The following USP48 variants were observed in gnomAD, a reference collection of about 807,000 sequenced individuals.
USP48 encodes the protein ubiquitin carboxyl-terminal hydrolase 48.
In USP48, 43 loss-of-function variants were observed where a neutral mutation model predicts 150.7. The observed-to-expected ratio is 0.29, with a 90% confidence interval of 0.22 to 0.37. The LOEUF (loss-of-function observed/expected upper bound fraction) is 0.37. Among genes scored for constraint, USP48 ranks in the 10% least tolerant of loss-of-function variants. The probability of loss-of-function intolerance (pLI) is 1.00; values close to 1 mark genes in which losing one functional copy is unlikely to be tolerated. For synonymous variants in USP48, 396 were observed against 425.9 expected (o/e 0.93, Z 0.86); for missense variants, 813 against 1,249.6 (o/e 0.65, Z 5.27).
chr1:21,693,559 A>G (rs2097610510), intron 23 of USP48, among the ~76,000 whole-genome samples: 1 of 152,248 alleles, frequency 6.6e-6, no homozygotes, highest in African/African-American at 2.4e-5. Flanking sequence ...GGGCAGGTAC[A>G]TGCTCTCAGA....
intron 14 of USP48, among the ~76,000 whole-genome samples, chr1:21,718,867 A>C (rs539523855): frequency 6.4e-4 from 98 of 152,330 alleles, no homozygotes; most frequent in African/African-American, 2.1e-3. Flanking sequence ...ACTAAGTCAC[A>C]TGTTATCATT....
chr1:21,694,691 A>C (rs1423436809), intron 23 of USP48, among the ~76,000 whole-genome samples: 3 of 151,648 alleles, frequency 2.0e-5, no homozygotes, highest in Non-Finnish European at 4.4e-5. Context: ...ATCGCTAATA[A>C]TAAGCTGCCT....
At chr1:21,727,752 A>C in intron 11 of USP48, 2 of 439,486 alleles carry the variant, frequency 4.6e-6, no homozygotes, top group Non-Finnish European at 6.0e-6. Context: ...TTTAGTTAAA[A>C]TATATTCTTA....
At chr1:21,713,022 C>G (rs1411909888) in intron 15 of USP48, among the ~76,000 whole-genome samples, 1 of 152,078 alleles carries the variant, frequency 6.6e-6, no homozygotes, top group Admixed American at 6.6e-5. Flanking sequence ...CCCTTGTATA[C>G]AATTTCTTCC....
At chr1:21,714,327 G>A (rs2097698511) in intron 15 of USP48, among the ~76,000 whole-genome samples, 1 of 152,206 alleles carries the variant, frequency 6.6e-6, no homozygotes, top group Non-Finnish European at 1.5e-5. Flanking sequence ...CCAGGCTGGA[G>A]TGCAGCGTCG....
chr1:21,714,172 C>A lies in USP48; in HGVS notation c.1963+1217G>T, dbSNP rs189862871. ...GGAATTCATTAGGATCAACAGGAGT[C>A]CTAAATATTAGCAATAAATTACCAC... On this transcript the variant is annotated intron_variant, in intron 15 of 26. Coordinates refer to ENST00000308271, the MANE Select transcript of USP48 (RefSeq NM_032236.8). 2.6e-5 allele frequency among the ~76,000 whole-genome samples: 4 copies of A among 152,266 alleles called. No individual in the cohort carries two copies. The East Asian group carries it at 7.7e-4, about 29-fold the overall frequency.
intron 14 of USP48, among the ~76,000 whole-genome samples, chr1:21,717,519 C>G (rs1157494816): frequency 1.3e-5 from 2 of 152,070 alleles, no homozygotes; most frequent in African/African-American, 4.8e-5. Context: ...AAGGATACAA[C>G]CAGATAATTC....
Position 21,751,519 on chromosome 1 carries a change from C to T in USP48, c.762G>A (p.Ser254=), listed in dbSNP as rs773428646. 16 of 1,613,262 alleles carry T rather than the reference C, an allele frequency of 9.9e-6. No homozygotes were observed. Among genetic ancestry groups the T allele is most frequent in the Admixed American group, 3.3e-5 (2 of 59,956 alleles). The change falls in exon 6 of 27, where the codon TCG becomes TCA. Residue 254 remains serine (S), a synonymous_variant. Transcript: ENST00000308271. ...QGHKQLTDCI[S]EFLKEEKLEG... ...AAAATTTGAATACCTTCAAAAATTC[C>T]GAGATACAATCTGTTAACTGTTTGT...
rs868248354 is a variant in USP48 at position 21,747,160 on chromosome 1, G to C, written c.909-11C>G. The C allele has an allele frequency of 3.1e-6, 5 of 1,589,554 alleles. No homozygotes were observed. Among genetic ancestry groups the C allele is most frequent in the Non-Finnish European group, 4.3e-6 (5 of 1,166,208 alleles). On this transcript the variant is annotated splice_polypyrimidine_tract_variant and intron_variant, in intron 7 of 26. Transcript: ENST00000308271. ...TTATGTCCAGTTTGCCTAACCAAGA[G>C]GAAAGCTGATTATATTTACATTTAA...
intron 1 of USP48, among the ~76,000 whole-genome samples, chr1:21,760,521 C>G (rs2097847329): frequency 6.6e-6 from 1 of 151,596 alleles, no homozygotes; most frequent in Non-Finnish European, 1.5e-5. Context: ...CGAGACCAGC[C>G]TGGCCAACAT....
chr1:21,774,948 C>T (rs929854674), intron 1 of USP48, among the ~76,000 whole-genome samples: 2 of 149,858 alleles, frequency 1.3e-5, no homozygotes, highest in African/African-American at 4.9e-5. Flanking sequence ...GCCAAATTCA[C>T]GCACTGCACT....
At chr1:21,757,466 C>T (rs2097839660) in intron 2 of USP48, 197 bp downstream of exon 2, 5 of 443,942 alleles carry the variant, frequency 1.1e-5, no homozygotes, top group South Asian at 6.3e-5. Flanking sequence ...TACTGAATTA[C>T]GCAGCTGCCT....
At chr1:21,764,123 G>C (rs1453374564) in intron 1 of USP48, among the ~76,000 whole-genome samples, 4 of 152,132 alleles carry the variant, frequency 2.6e-5, no homozygotes, top group Non-Finnish European at 5.9e-5. Context: ...AACAGATCAA[G>C]GAGGTTGAGT....
chr1:21,726,070 A>G (rs2097736262), intron 11 of USP48, among the ~76,000 whole-genome samples: 2 of 152,202 alleles, frequency 1.3e-5, no homozygotes, highest in South Asian at 4.1e-4. Flanking sequence ...GCAACATTCA[A>G]GAATAAGTCA....
rs148191708 is a variant in USP48, at chr1:21,773,907, G to A, written c.134+8917C>T. On this transcript the variant is annotated intron_variant, in intron 1 of 26. Transcript: ENST00000308271. ...AATCCCAGCACTTTGGGAGGGCAAG[G>A]TGGAAGGACTGCTTGAAGCCAGGAA... 4.9e-3 allele frequency among the ~76,000 whole-genome samples: 751 copies of A among 152,262 alleles called. 7 individuals carry two copies. Among genetic ancestry groups the A allele is most frequent in the African/African-American group, 0.017 (720 of 41,554 alleles).
At chr1:21,775,053 T>G (rs900706256) in intron 1 of USP48, among the ~76,000 whole-genome samples, 3 of 151,920 alleles carry the variant, frequency 2.0e-5, no homozygotes, top group Non-Finnish European at 4.4e-5. Context: ...TCTACATGCA[T>G]GAATAGAAAC....
At chr1:21,781,165 T>G (rs1335312837) in intron 1 of USP48, among the ~76,000 whole-genome samples, 2 of 146,870 alleles carry the variant, frequency 1.4e-5, no homozygotes, top group African/African-American at 5.0e-5. Flanking sequence ...ACGCCTGTAA[T>G]GCCAGCACTT....
intron 1 of USP48, among the ~76,000 whole-genome samples, chr1:21,774,720 G>A (rs1426169830): frequency 6.0e-5 from 9 of 150,960 alleles, no homozygotes; most frequent in African/African-American, 1.5e-4. Context: ...AGCCAGGTGC[G>A]GTGGCTCACA....
chr1:21,732,397 AC>A (rs1308033909), intron 9 of USP48, among the ~76,000 whole-genome samples: 2 of 152,136 alleles, frequency 1.3e-5, no homozygotes, highest in Admixed American at 1.3e-4. Context: ...GATGGTTTCT[AC>A]CTCTCTTTTC....
Sources: allele counts gnomAD v4.1 joint callset (sites outside exome capture counted in the v4.1 genomes callset), GRCh38; gene constraint gnomAD v4.1.1; transcripts MANE v1.5; gene names NCBI Gene and HGNC (gene_info 2026-07-23, HGNC 2026-07-21).